Variants in EFCAB3 observed in about 807,000 individuals in gnomAD.
EFCAB3 encodes the protein EF-hand calcium binding domain 3, also known as EF-hand calcium-binding domain-containing protein 3.
EFCAB3 carries 36 observed loss-of-function variants against 42.2 expected under a neutral mutation model. The ratio of observed to expected loss-of-function variants is 0.85; its 90% CI spans 0.65 to 1.13. EFCAB3 has a LOEUF of 1.13. EFCAB3 is among the 50% of genes most tolerant of loss of function. The pLI is 0.00. For missense variants in EFCAB3, 418 were observed against 505.1 expected, an observed-to-expected ratio of 0.83 and a Z score of 1.65; for synonymous variants, 170 against 172.8, an observed-to-expected ratio of 0.98 and a Z score of 0.13.
chr17:62,395,264 A>T, intron 6 of EFCAB3, 76 bp downstream of exon 6: 1 of 1,548,950 alleles, frequency 6.5e-7, no homozygotes, highest in Non-Finnish European at 8.7e-7. Context: ...GTCAGCTCCC[A>T]CTAACATCCA....
intron 2 of EFCAB3, among the ~76,000 whole-genome samples, chr17:62,385,261 T>A (rs549165130): frequency 6.6e-6 from 1 of 152,150 alleles, no homozygotes; most frequent in African/African-American, 2.4e-5. Flanking sequence ...CTGAGCAACA[T>A]AAGGAGATCT....
intron 6 of EFCAB3, among the ~76,000 whole-genome samples, chr17:62,401,121 T>A (rs1249318108): frequency 1.3e-5 from 2 of 152,158 alleles, no homozygotes; most frequent in African/African-American, 2.4e-5. Flanking sequence ...CTTCACCCAC[T>A]TTTTGATTAG....
chr17:62,402,645 T>C (rs1018582243), intron 6 of EFCAB3, among the ~76,000 whole-genome samples: 16 of 152,226 alleles, frequency 1.1e-4, no homozygotes, highest in South Asian at 4.1e-4. Flanking sequence ...GAAGCCCACT[T>C]GATCATGGTG....
chr17:62,392,176 T>A, intron 4 of EFCAB3, among the ~76,000 whole-genome samples: 1 of 149,456 alleles, frequency 6.7e-6, no homozygotes, highest in Non-Finnish European at 1.5e-5. Flanking sequence ...ATATTATATG[T>A]TTGTAGACTA....
Position 62,387,424 on chromosome 17 carries a change from G to A in EFCAB3, c.151+8G>A. On this transcript the variant is annotated splice_region_variant and intron_variant, in intron 3 of 9. Transcript: ENST00000305286. The stretch of plus-strand genomic sequence containing the variant: ...GTGCTTCACAAATGGCAGGTAATGA[G>A]AATCATCCTCAAAATTGAAGCATAA... 1 of 1,607,960 alleles carries A rather than the reference G, an allele frequency of 6.2e-7. No homozygotes were observed. Among genetic ancestry groups the A allele is most frequent in the South Asian group, 1.1e-5 (1 of 90,784 alleles).
At chr17:62,414,981 G>T (rs1373357499) in intron 9 of EFCAB3, among the ~76,000 whole-genome samples, 1 of 152,004 alleles carries the variant, frequency 6.6e-6, no homozygotes, top group Non-Finnish European at 1.5e-5. Flanking sequence ...GTGGGCGCCT[G>T]TAATCCCAGC....
upstream of EFCAB3, among the ~76,000 whole-genome samples, chr17:62,375,585 G>A (rs1232415172): frequency 1.3e-5 from 2 of 152,202 alleles, no homozygotes; most frequent in Non-Finnish European, 2.9e-5. Flanking sequence ...TTGATTACCT[G>A]ATAGAGGTTC....
At chr17:62,411,044 A>C (rs2070490654) in intron 8 of EFCAB3, among the ~76,000 whole-genome samples, 2 of 152,160 alleles carry the variant, frequency 1.3e-5, no homozygotes, top group African/African-American at 4.8e-5. Flanking sequence ...CAAGCAGTAA[A>C]ATTACCTTAA....
At chr17:62,379,941 A>T (rs2070182198), upstream of EFCAB3, among the ~76,000 whole-genome samples, 1 of 152,220 alleles carries the variant, frequency 6.6e-6, no homozygotes, top group Non-Finnish European at 1.5e-5. Context: ...CTTAATCACC[A>T]TTCAGTGAAG....
Position 62,396,464 on chromosome 17 carries a change from A to G in EFCAB3, c.488+1276A>G, listed in dbSNP as rs535550487. ...GCTACTCGAGAGGCTGAGGCAGGAG[A>G]ATAGCTTGAACCTGGGATGCGGAGG... On this transcript the variant is annotated intron_variant, in intron 6 of 9. Coordinates refer to ENST00000305286, the MANE Select transcript of EFCAB3 (RefSeq NM_173503.4). 4.6e-5 allele frequency among the ~76,000 whole-genome samples: 7 copies of G among 152,150 alleles called. No individual in the cohort carries two copies. The South Asian group carries it at 1.5e-3, about 32-fold the overall frequency.
chr17:62,403,821 G>C (rs943233184), intron 6 of EFCAB3, among the ~76,000 whole-genome samples: 1 of 152,030 alleles, frequency 6.6e-6, no homozygotes, highest in African/African-American at 2.4e-5. Flanking sequence ...GCTAATCTTT[G>C]TATTTTTTTG....
At chr17:62,384,170 A>G (rs1202817647) in intron 2 of EFCAB3, among the ~76,000 whole-genome samples, 1 of 152,216 alleles carries the variant, frequency 6.6e-6, no homozygotes, top group Non-Finnish European at 1.5e-5. Context: ...AGACAATACT[A>G]CATGTAAAGG....
chr17:62,377,634 G>A (rs540467248), upstream of EFCAB3, among the ~76,000 whole-genome samples: 2 of 152,084 alleles, frequency 1.3e-5, no homozygotes, highest in Non-Finnish European at 2.9e-5. Flanking sequence ...CCTAAACAAA[G>A]CATTCATGAA....
chr17:62,407,263 T>C, intron 8 of EFCAB3, 51 bp downstream of exon 8: 1 of 1,428,842 alleles, frequency 7.0e-7, no homozygotes, highest in Non-Finnish European at 9.3e-7. Context: ...TTTTAAGCAC[T>C]AACTTAACAG....
chr17:62,407,068 C>T lies in EFCAB3; in HGVS notation c.723C>T (p.Pro241=), dbSNP rs8068208. The T allele has an allele frequency of 2.5e-3, 3,985 of 1,600,718 alleles. 79 individuals are homozygous for T. The African/African-American group carries it at 0.043, about 17-fold the overall frequency. Residue 241 remains proline, a synonymous_variant, in exon 8 of 10, where the codon CCC becomes CCT. Coordinates refer to ENST00000305286, the MANE Select transcript of EFCAB3 (RefSeq NM_173503.4). ...CAGATAGCCCATATTCAAAAATACC[C>T]ATCTTTCCATTGTTCCCTAATGTGG... ...SGSDSPYSKI[P]IFPLFPNVDG...
chr17:62,378,946 G>C (rs1446047563), upstream of EFCAB3, among the ~76,000 whole-genome samples: 1 of 151,980 alleles, frequency 6.6e-6, no homozygotes, highest in Non-Finnish European at 1.5e-5. Context: ...GTGGTGGGTT[G>C]GGGGCAGAAT....
At chr17:62,414,748 G>A (rs974243896) in intron 9 of EFCAB3, among the ~76,000 whole-genome samples, 10 of 152,058 alleles carry the variant, frequency 6.6e-5, no homozygotes, top group African/African-American at 2.4e-4. Flanking sequence ...TCCTTAACTC[G>A]GGTTTTTTCC....
At chr17:62,404,045 A>T (rs1004223461) in intron 6 of EFCAB3, among the ~76,000 whole-genome samples, 18 of 152,072 alleles carry the variant, frequency 1.2e-4, no homozygotes, top group Admixed American at 1.0e-3. Flanking sequence ...ATTTGCCTAA[A>T]ACAGTTTCCC....
intron 6 of EFCAB3, among the ~76,000 whole-genome samples, chr17:62,404,391 AG>A (rs1399932611): frequency 1.3e-5 from 2 of 152,054 alleles, no homozygotes; most frequent in Non-Finnish European, 2.9e-5. Flanking sequence ...CCAGCTACTC[AG>A]GAGGCAGAGG....
Sources: allele counts gnomAD v4.1 joint callset (sites outside exome capture counted in the v4.1 genomes callset), GRCh38; gene constraint gnomAD v4.1.1; transcripts MANE v1.5; gene names NCBI Gene and HGNC (gene_info 2026-07-23, HGNC 2026-07-21).